Variants in MYO16 observed in about 807,000 individuals in gnomAD.
The protein encoded by MYO16 is unconventional myosin-XVI.
MYO16 carries 94 observed loss-of-function variants against 205.3 expected under a neutral mutation model. The observed-to-expected ratio is 0.46, with a 90% CI of 0.39 to 0.54. The LOEUF (loss-of-function observed/expected upper bound fraction) is 0.54, where lower values mean the gene tolerates loss of function less well. Among genes scored for constraint, MYO16 ranks in the 20% least tolerant of loss-of-function variants. The pLI is 0.00. For synonymous variants in MYO16, 988 were observed against 954.0 expected, an observed-to-expected ratio of 1.04 and a Z score of -0.66; for missense variants, 2,315 against 2,387.5, an observed-to-expected ratio of 0.97 and a Z score of 0.63.
At chr13:109,088,085 C>T (rs1888496496) in intron 27 of MYO16, among the ~76,000 whole-genome samples, 1 of 152,174 alleles carries the variant, frequency 6.6e-6, no homozygotes, top group Non-Finnish European at 1.5e-5. Context: ...AATCAGAGAA[C>T]AGTGTGGTTG....
chr13:109,081,676 A>G (rs1888284950), intron 27 of MYO16, among the ~76,000 whole-genome samples: 2 of 152,202 alleles, frequency 1.3e-5, no homozygotes, highest in East Asian at 1.9e-4. Context: ...TTAATATGAA[A>G]AAAGGGATGG....
intron 15 of MYO16, among the ~76,000 whole-genome samples, chr13:108,901,839 G>A (rs1252394564): frequency 2.0e-5 from 3 of 152,180 alleles, no homozygotes; most frequent in Non-Finnish European, 2.9e-5. Flanking sequence ...TGCTGAGATT[G>A]CATTCGTAGA....
chr13:108,598,376 A>G (rs4396398), intron 1 of MYO16, among the ~76,000 whole-genome samples: 147,751 of 152,278 alleles, frequency 0.97, 71,848 homozygotes, highest in East Asian at 1. Context: ...TACAGAAATA[A>G]TAAAATTCTT....
chr13:108,645,835 T>C (rs1438319448), intron 1 of MYO16, among the ~76,000 whole-genome samples: 2 of 152,188 alleles, frequency 1.3e-5, no homozygotes, highest in African/African-American at 2.4e-5. Context: ...CACCTTTCCC[T>C]ATGCCAAAGA....
At chr13:108,752,183 A>G (rs941563336) in intron 4 of MYO16, among the ~76,000 whole-genome samples, 2 of 151,744 alleles carry the variant, frequency 1.3e-5, no homozygotes, top group South Asian at 2.1e-4. Context: ...GTATTTTTAA[A>G]TGTGGGTTTT....
chr13:108,743,966 C>T (rs751127390), intron 4 of MYO16, among the ~76,000 whole-genome samples: 2 of 152,166 alleles, frequency 1.3e-5, no homozygotes, highest in Non-Finnish European at 2.9e-5. Context: ...TCTTACATAT[C>T]AAGACACAAG....
intron 32 of MYO16, among the ~76,000 whole-genome samples, chr13:109,156,708 G>A (rs771408160): frequency 4.0e-5 from 6 of 151,872 alleles, no homozygotes; most frequent in African/African-American, 1.2e-4. Flanking sequence ...GCTGTCAGCC[G>A]CCCTGCGTGC....
At chr13:108,795,199 C>CTT (rs35009028) in intron 6 of MYO16, among the ~76,000 whole-genome samples, 28,866 of 146,852 alleles carry the variant, frequency 0.2, 3,167 homozygotes, top group Middle Eastern at 0.27. Context: ...TTCTTACTTT[C>CTT]TTTTTTTTTT....
chr13:108,523,145 C>T, the MYO16 span, among the ~76,000 whole-genome samples: 1 of 152,150 alleles, frequency 6.6e-6, no homozygotes, highest in African/African-American at 2.4e-5. Context: ...GAAACAGACG[C>T]ATCTGCTTGA....
chr13:108,784,153 A>C (rs1384234168), intron 4 of MYO16, among the ~76,000 whole-genome samples: 1 of 152,214 alleles, frequency 6.6e-6, no homozygotes, highest in Non-Finnish European at 1.5e-5. Flanking sequence ...CAGGAACACA[A>C]AATCTTATTC....
intron 28 of MYO16, among the ~76,000 whole-genome samples, chr13:109,119,500 T>G (rs1252260044): frequency 6.6e-6 from 1 of 152,236 alleles, no homozygotes; most frequent in South Asian, 2.1e-4. Flanking sequence ...CCTAAGAGAC[T>G]ATGAGTGCCT....
chr13:108,806,714 G>T lies in MYO16; in HGVS notation c.777G>T (p.Val259=). 11 of 1,613,074 alleles carry T rather than the reference G, an allele frequency of 6.8e-6. No homozygotes were observed. The highest frequency in any genetic ancestry group is 9.3e-6 in the Non-Finnish European group (11 of 1,179,294). ...CGTGTGCGAGTGGCTACAAGGAGGT[G>T]GTGTCTCTTATCCTGGAACATGGTG... is the stretch of plus-strand genomic sequence containing the variant. ...HMACASGYKE[V]VSLILEHGGD... Residue 259 remains valine (V), a synonymous_variant, in exon 7 of 35, where the codon GTG becomes GTT. Coordinates refer to ENST00000457511, the MANE Select transcript of MYO16 (RefSeq NM_001198950.3).
the MYO16 span, among the ~76,000 whole-genome samples, chr13:108,516,244 C>A: frequency 9.3e-5 from 14 of 150,162 alleles, no homozygotes; most frequent in South Asian, 3.0e-3. Flanking sequence ...ATTTTCCAGG[C>A]GCGTCCGTCA....
Position 108,728,781 on chromosome 13 carries a change from G to A in MYO16, c.507+1198G>A, listed in dbSNP as rs1262863620. On this transcript the variant is annotated intron_variant, in intron 4 of 34. Coordinates refer to ENST00000457511, the MANE Select transcript of MYO16 (RefSeq NM_001198950.3). Reference sequence around the variant, plus strand: ...CTCCAAAGACCTTATTCCCCAATAAGATCGCATCTACACTACTAGGGAGCA... The same window carrying A: ...CTCCAAAGACCTTATTCCCCAATAAAATCGCATCTACACTACTAGGGAGCA... Among the ~76,000 whole-genome samples, 2 of 148,338 alleles carry A rather than the reference G, an allele frequency of 1.3e-5. 1 individual carries two copies. The highest frequency in any genetic ancestry group is 1.3e-4 in the Admixed American group (2 of 14,960).
chr13:108,546,437 A>C, the MYO16 span, among the ~76,000 whole-genome samples: 1 of 152,158 alleles, frequency 6.6e-6, no homozygotes, highest in Non-Finnish European at 1.5e-5. Context: ...TAATGTGGCA[A>C]TGCAATATCT....
chr13:108,950,233 TA>T (rs1181556678), intron 16 of MYO16, among the ~76,000 whole-genome samples: 11 of 149,786 alleles, frequency 7.3e-5, no homozygotes, highest in African/African-American at 2.7e-4. Flanking sequence ...AAGACTTCAT[TA>T]AAAATATCAG....
At chr13:109,117,438 G>GTA (rs899860370) in intron 28 of MYO16, among the ~76,000 whole-genome samples, 1 of 141,316 alleles carries the variant, frequency 7.1e-6, no homozygotes, top group Non-Finnish European at 1.6e-5. Context: ...GTATATATAT[G>GTA]TATATATATG....
chr13:108,916,870 A>G (rs1204137367), intron 16 of MYO16, among the ~76,000 whole-genome samples: 6 of 152,198 alleles, frequency 3.9e-5, no homozygotes, highest in Admixed American at 2.6e-4. Flanking sequence ...TTTCAAACTA[A>G]GGTACGTTTG....
chr13:108,820,371 C>A lies in MYO16; in HGVS notation c.902C>A (p.Ala301Glu). ...GTGAAACTTCTCCTGATGCATCAGG[C>A]AAACCCACACCTCGTGAACTGTAAT... ...NLVKLLLMHQ[A>E]NPHLVNCNEE... Residue 301 changes from alanine (A) to glutamate (E), a missense_variant, in exon 8 of 35, where the codon GCA becomes GAA. Around this residue, in one of 3 missense-constraint regions of MYO16, gnomAD observed 1,213 missense variants for 1,274.4 expected, o/e 0.95. Transcript: ENST00000457511. 1 of 1,606,698 alleles carries A rather than the reference C, an allele frequency of 6.2e-7. No homozygotes were observed. The highest frequency in any genetic ancestry group is 8.5e-7 in the Non-Finnish European group (1 of 1,176,258).
Sources: gnomAD v4.1 joint callset for allele counts (sites outside exome capture counted in the v4.1 genomes callset) on GRCh38, gnomAD v4.1.1 for gene constraint, gnomAD v4.1.1 regional missense constraint, MANE v1.5 for transcripts, NCBI Gene and HGNC (gene_info 2026-07-23, HGNC 2026-07-21) for gene names.